Variants in LRRTM4 observed in about 807,000 individuals in gnomAD.
LRRTM4 encodes the protein leucine-rich repeat transmembrane neuronal protein 4.
A neutral mutation model predicts 47.6 loss-of-function variants in LRRTM4; 25 were observed. That is an observed-to-expected ratio of 0.53 (90% confidence interval 0.38 to 0.73). The LOEUF is 0.73. Among genes scored for constraint, LRRTM4 ranks in the 30% least tolerant of loss-of-function variants. The probability of loss-of-function intolerance (pLI) is 0.00; values close to 1 mark genes in which losing one functional copy is unlikely to be tolerated. For missense variants in LRRTM4, 638 were observed against 713.4 expected (o/e 0.89, Z 1.20); for synonymous variants, 311 against 269.5 (o/e 1.15, Z -1.51).
chr2:76,890,555 T>C (rs74829592), intron 3 of LRRTM4, among the ~76,000 whole-genome samples: 2,160 of 152,064 alleles, frequency 0.014, 42 homozygotes, highest in African/African-American at 0.048. Flanking sequence ...CACATTGAAA[T>C]TTATACCTTA....
intron 3 of LRRTM4, among the ~76,000 whole-genome samples, chr2:77,314,874 C>A (rs11126603): frequency 6.6e-6 from 1 of 151,966 alleles, no homozygotes; most frequent in Non-Finnish European, 1.5e-5. Flanking sequence ...ACCACAGCAA[C>A]GAGCCAAAGC....
intron 3 of LRRTM4, among the ~76,000 whole-genome samples, chr2:76,848,211 T>C (rs1671892725): frequency 4.6e-5 from 7 of 152,146 alleles, no homozygotes; most frequent in Admixed American, 4.6e-4. Context: ...ATGTGAGCAA[T>C]AGTTATTCAT....
intron 3 of LRRTM4, among the ~76,000 whole-genome samples, chr2:77,234,396 G>A (rs935692143): frequency 6.6e-6 from 1 of 152,050 alleles, no homozygotes; most frequent in Non-Finnish European, 1.5e-5. Context: ...TAATGATTTC[G>A]AATAATCTGT....
At chr2:77,071,919 A>G (rs1041884120) in intron 3 of LRRTM4, among the ~76,000 whole-genome samples, 1 of 152,152 alleles carries the variant, frequency 6.6e-6, no homozygotes, top group African/African-American at 2.4e-5. Flanking sequence ...CTCAGGCCAC[A>G]TCGGGCTAGT....
intron 3 of LRRTM4, among the ~76,000 whole-genome samples, chr2:77,498,501 A>T (rs1678448078): frequency 6.6e-6 from 1 of 151,752 alleles, no homozygotes; most frequent in Non-Finnish European, 1.5e-5. Flanking sequence ...CTCTCTTATT[A>T]AGATCTCTTC....
At chr2:76,995,421 CT>C (rs1387449800) in intron 3 of LRRTM4, among the ~76,000 whole-genome samples, 1 of 152,064 alleles carries the variant, frequency 6.6e-6, no homozygotes, top group East Asian at 1.9e-4. Context: ...AGTTGCAGTA[CT>C]TTTACACCAT....
intron 3 of LRRTM4, among the ~76,000 whole-genome samples, chr2:77,151,333 T>C (rs2103785348): frequency 6.6e-6 from 1 of 152,212 alleles, no homozygotes; most frequent in African/African-American, 2.4e-5. Context: ...TCCCCCACAA[T>C]CTCAATCCCC....
intron 3 of LRRTM4, among the ~76,000 whole-genome samples, chr2:77,145,569 C>T (rs1672234958): frequency 6.6e-6 from 1 of 151,278 alleles, no homozygotes; most frequent in South Asian, 2.1e-4. Context: ...GAGATCGAGA[C>T]CATCCTGGCT....
At chr2:76,923,439 C>A (rs1188894420) in intron 3 of LRRTM4, among the ~76,000 whole-genome samples, 1 of 151,830 alleles carries the variant, frequency 6.6e-6, no homozygotes, top group East Asian at 1.9e-4. Flanking sequence ...AATAAATACT[C>A]AAAACTGAGC....
intron 3 of LRRTM4, among the ~76,000 whole-genome samples, chr2:76,773,844 T>C (rs77694617): frequency 1.3e-5 from 2 of 151,592 alleles, no homozygotes; most frequent in East Asian, 1.9e-4. Flanking sequence ...TTACGAATAA[T>C]GGTAGCAGAG....
chr2:76,948,300 T>G (rs1215954137), intron 3 of LRRTM4, among the ~76,000 whole-genome samples: 1 of 151,902 alleles, frequency 6.6e-6, no homozygotes, highest in Non-Finnish European at 1.5e-5. Context: ...CTGTTCAATA[T>G]TTAATTAGAA....
intron 3 of LRRTM4, among the ~76,000 whole-genome samples, chr2:76,916,212 A>T (rs1348648594): frequency 1.3e-5 from 2 of 151,834 alleles, no homozygotes; most frequent in Non-Finnish European, 2.9e-5. Context: ...ACACAAGTTT[A>T]AAAAATATGT....
chr2:76,951,029 G>A (rs1675476355), intron 3 of LRRTM4, among the ~76,000 whole-genome samples: 1 of 152,008 alleles, frequency 6.6e-6, no homozygotes, highest in Non-Finnish European at 1.5e-5. Flanking sequence ...TCTATCATAA[G>A]GAGGAAATAA....
At position 77,283,608 on chromosome 2, in the gene LRRTM4, G is replaced by C. The variant is rs145714880; in HGVS notation, c.1551+234710C>G. On this transcript the variant is annotated intron_variant, in intron 3 of 3. Coordinates refer to ENST00000409884, the MANE Select transcript of LRRTM4 (RefSeq NM_001134745.3). ...ATGGTGGACTGGATTAAGAAAATAT[G>C]GTTCATATACACCATGGAATACCAT... 1.2e-3 allele frequency among the ~76,000 whole-genome samples: 186 copies of C among 152,064 alleles called. 1 individual carries two copies. Among genetic ancestry groups the C allele is most frequent in the African/African-American group, 4.3e-3 (177 of 41,498 alleles).
chr2:77,117,108 A>T (rs1013662195), intron 3 of LRRTM4, among the ~76,000 whole-genome samples: 8 of 152,060 alleles, frequency 5.3e-5, no homozygotes, highest in African/African-American at 1.9e-4. Flanking sequence ...AAGTTTATCC[A>T]TTTTACAGCA....
intron 3 of LRRTM4, among the ~76,000 whole-genome samples, chr2:76,890,016 A>C (rs369574163): frequency 2.6e-5 from 4 of 151,994 alleles, no homozygotes; most frequent in African/African-American, 9.7e-5. Context: ...TCATTCTATA[A>C]CTAGAAAAAA....
intron 3 of LRRTM4, among the ~76,000 whole-genome samples, chr2:76,754,591 A>G (rs971400119): frequency 3.9e-5 from 6 of 152,162 alleles, no homozygotes; most frequent in African/African-American, 1.4e-4. Flanking sequence ...TGCACCTGAC[A>G]GACATGTAAG....
chr2:77,058,726 A>G lies in LRRTM4; in HGVS notation c.1552-309810T>C, dbSNP rs1182130452. On this transcript the variant is annotated intron_variant, in intron 3 of 3. Transcript: ENST00000409884. Reference sequence around the variant, plus strand: ...AAAACACACTACAAAGAGAATTAGTATAAGATGTCAAACAAAGCTAGAATT... The same window carrying G: ...AAAACACACTACAAAGAGAATTAGTGTAAGATGTCAAACAAAGCTAGAATT... Among the ~76,000 whole-genome samples the G allele has an allele frequency of 3.9e-5, 6 of 152,264 alleles. No individual in the cohort carries two copies. In the South Asian group the frequency reaches 1.0e-3, roughly 26 times the overall value.
chr2:77,393,748 T>C (rs13415772), intron 3 of LRRTM4, among the ~76,000 whole-genome samples: 7,529 of 151,936 alleles, frequency 0.05, 281 homozygotes, highest in African/African-American at 0.092. Flanking sequence ...AGAATGACTA[T>C]AGTCTAAATA....
Sources: allele counts gnomAD v4.1 joint callset (sites outside exome capture counted in the v4.1 genomes callset), GRCh38; gene constraint gnomAD v4.1.1; transcripts MANE v1.5; gene names NCBI Gene and HGNC (gene_info 2026-07-23, HGNC 2026-07-21).